Variants in TONSL observed in about 807,000 individuals in gnomAD.
TONSL encodes the protein tonsoku-like protein.
In TONSL, 112 loss-of-function variants were observed where a neutral mutation model predicts 147.1. The ratio of observed to expected loss-of-function variants is 0.76; its 90% CI spans 0.65 to 0.89. TONSL has a LOEUF of 0.89. TONSL is among the 40% of genes least tolerant of loss of function. The probability of loss-of-function intolerance (pLI) is 0.00; values close to 1 mark genes in which losing one functional copy is unlikely to be tolerated. For missense variants in TONSL, 1,883 were observed against 1,864.6 expected (o/e 1.01, Z -0.18); for synonymous variants, 868 against 801.5 (o/e 1.08, Z -1.40).
rs556510520 is a variant in TONSL, at chr8:144,438,307, G to A, written c.1653+164C>T. ...GCCTCAATCTCCCTCCCAGGATGAA[G>A]TGATCCTCCTGCCTCTAGGACCACA... On this transcript the variant is annotated intron_variant, in intron 13 of 25. Transcript: ENST00000409379. 9.4e-4 allele frequency: 623 copies of A among 665,810 alleles called. 2 individuals are homozygous for A. In the African/African-American group the frequency reaches 9.4e-3, roughly 10 times the overall value. The allele number at this position is 665,810 out of a possible 1,614,324, so 41.2% of individuals were successfully genotyped here. A position where few individuals can be genotyped will look rare whatever the true frequency, so the allele number is the denominator to read the frequency against.
Position 144,434,143 on chromosome 8 carries a change from C to G in TONSL, c.3222G>C (p.Glu1074Asp). 1.9e-6 allele frequency: 3 copies of G among 1,611,632 alleles called. No individual in the cohort carries two copies. Among genetic ancestry groups the G allele is most frequent in the Non-Finnish European group, 2.5e-6 (3 of 1,179,260 alleles). ...RALKLHTALR[E>D]LRLAGNRLGD... ...CCAGCCGGTTCCCTGCCAGGCGCAG[C>G]TCCCGGAGTGCTGTGTGCAGCTTGA... The change falls in exon 21 of 26, where the codon GAG (glutamate) becomes GAC (aspartate). Residue 1074 changes from glutamate (E) to aspartate (D), a missense_variant. Transcript: ENST00000409379.
chr8:144,439,715 C>T (rs1002119632), intron 11 of TONSL: 12 of 435,884 alleles, frequency 2.8e-5, no homozygotes, highest in East Asian at 4.3e-5. Flanking sequence ...CAGAGGCAGC[C>T]GGGGCTCTTC....
Position 144,436,197 on chromosome 8 carries a change from C to T in TONSL, c.2236G>A (p.Gly746Ser). The T allele has an allele frequency of 6.4e-7, 1 of 1,570,702 alleles. No homozygotes were observed. Among genetic ancestry groups the T allele is most frequent in the South Asian group, 1.1e-5 (1 of 88,618 alleles). ...CGTGCGGGGCCTGCGCTGTCCTCGC[C>T]TTCTGAGCTGCTGCTGCTGCTGGCT... ...GPASSSSSSE[G>S]EDSAGPARPS... The change falls in exon 17 of 26, where the codon GGC becomes AGC. Residue 746 changes from glycine to serine, a missense_variant. Physicochemically the swap from Gly to Ser is moderately conservative, Grantham distance 56 (BLOSUM62 0). Coordinates refer to ENST00000409379, the MANE Select transcript of TONSL (RefSeq NM_013432.5).
Position 144,436,635 on chromosome 8 carries a change from C to A in TONSL, c.1937G>T (p.Arg646Leu). ...CCGCGTCTCCAGGTCCAGGTCCCTG[C>A]GGTACAGCTTCACCCACTGCTGCAG... The part of the protein sequence containing the change: ...ETLQQWVKLY[R>L]RDLDLETRQK... The change falls in exon 16 of 26, where the codon CGC becomes CTC. Residue 646 changes from arginine (R) to leucine (L), a missense_variant. Transcript: ENST00000409379. The A allele has an allele frequency of 1.2e-6, 2 of 1,612,162 alleles. No individual in the cohort carries two copies. The highest frequency in any genetic ancestry group is 1.7e-6 in the Non-Finnish European group (2 of 1,179,940).
intron 18 of TONSL, 64 bp from the exon 19 acceptor site, chr8:144,435,234 G>C: frequency 7.0e-7 from 1 of 1,436,586 alleles, no homozygotes; most frequent in South Asian, 1.5e-5. Context: ...CCAGGGACCC[G>C]CCATCCCTGC....
chr8:144,436,530 C>G (rs544274064), intron 16 of TONSL, 28 bp downstream of exon 16: 1 of 1,604,018 alleles, frequency 6.2e-7, no homozygotes, highest in East Asian at 2.2e-5. Context: ...GGCACAGCAA[C>G]CCCAGGGACA....
Position 144,440,091 on chromosome 8 carries a change from C to T in TONSL, c.1410G>A (p.Glu470=). 6.2e-7 allele frequency: 1 copy of T among 1,605,032 alleles called. No homozygotes were observed. Among genetic ancestry groups the T allele is most frequent in the Non-Finnish European group, 8.5e-7 (1 of 1,173,488 alleles). ...CCGCTGTGGCTGCCGCCTCCTCCGC[C>T]TCCTCCTCCTCATCTTCATCTTCAG... is the stretch of plus-strand genomic sequence containing the variant. ...SVAEDEDEEE[E]AEEAAATAES... The change falls in exon 11 of 26, where the codon GAG becomes GAA. Residue 470 remains glutamate, a synonymous_variant. Coordinates refer to ENST00000409379, the MANE Select transcript of TONSL (RefSeq NM_013432.5).
Position 144,436,549 on chromosome 8 carries a change from C to A in TONSL, c.2014+9G>T. 6.2e-7 allele frequency: 1 copy of A among 1,608,572 alleles called. No individual in the cohort carries two copies. Among genetic ancestry groups the A allele is most frequent in the Non-Finnish European group, 8.5e-7 (1 of 1,179,366 alleles). On this transcript the variant is annotated intron_variant, in intron 16 of 25. Transcript: ENST00000409379. The stretch of plus-strand genomic sequence containing the variant: ...CAGCAACCCCAGGGACAAGGGACGC[C>A]CTGCTTGCCTTGGCCCGAGGCAGCC...
chr8:144,441,699 G>T, intron 7 of TONSL: 1 of 294,272 alleles, frequency 3.4e-6, no homozygotes, highest in South Asian at 3.7e-5. Context: ...GACCACGCGT[G>T]CCATCTCCTC....
chr8:144,444,069 G>A (rs1160433025), intron 2 of TONSL, 45 bp from the exon 3 acceptor site: 2 of 1,461,016 alleles, frequency 1.4e-6, no homozygotes, highest in South Asian at 1.3e-5. Flanking sequence ...GCGGGTGCGA[G>A]GGCGGCCCTG....
rs578043384 is a variant in TONSL, at chr8:144,433,090, C to T, written c.3559+498G>A. 149 of 155,978 alleles carry T rather than the reference C, an allele frequency of 9.6e-4. 1 individual carries two copies. The highest frequency in any genetic ancestry group is 1.5e-3 in the Non-Finnish European group (104 of 70,336). The allele number at this position is 155,978 out of a possible 1,614,324, so 9.7% of individuals were successfully genotyped here. The stretch of plus-strand genomic sequence containing the variant: ...CCAGGCCCCTAGACGTTGTTTGTTT[C>T]GTTTTTTTGACACGGAGTCTTGCTC... On this transcript the variant is annotated intron_variant, in intron 22 of 25. Transcript: ENST00000409379.
At position 144,435,476 on chromosome 8, in the gene TONSL, G is replaced by A. The variant is rs982668957; in HGVS notation, c.2850C>T (p.His950=). The change falls in exon 18 of 26, where the codon CAC becomes CAT. Residue 950 remains histidine (H), a splice_region_variant and synonymous_variant. Coordinates refer to ENST00000409379, the MANE Select transcript of TONSL (RefSeq NM_013432.5). ...QDHLFLIPVP[H]SSDTHSVAWL... ...GGGTAGGGCAGGCGATGCCTCACCT[G>A]TGTGGGACAGGGATGAGGAAGAGAT... is the stretch of plus-strand genomic sequence containing the variant. 6 of 1,546,470 alleles carry A rather than the reference G, an allele frequency of 3.9e-6. No homozygotes were observed. The South Asian group carries it at 4.8e-5, about 12-fold the overall frequency.
At chr8:144,430,994 C>T (rs1256444234) in intron 24 of TONSL, 84 bp downstream of exon 24, 1 of 1,481,904 alleles carries the variant, frequency 6.7e-7, no homozygotes, top group Admixed American at 1.7e-5. Flanking sequence ...GGAGCTGGTA[C>T]CATTTCTGTG....
intron 11 of TONSL, among the ~76,000 whole-genome samples, chr8:144,439,068 G>A (rs112179219): frequency 0.044 from 6,676 of 151,896 alleles, 483 homozygotes; most frequent in African/African-American, 0.15. Context: ...TCATCCCCAC[G>A]CCCAGACCGG....
At position 144,430,575 on chromosome 8, in the gene TONSL, CAG is replaced by C. The variant is rs781810774; in HGVS notation, c.3810-40_3810-39del. 2.0e-4 allele frequency: 311 copies of C among 1,578,014 alleles called. 2 individuals are homozygous for C. The Middle Eastern group carries it at 2.2e-3, about 11-fold the overall frequency. ...GGGAAGAAGTGCAAAGGTTGGCTTCCAGAGAGGCTGTGCCCCAACACTAGGAA... is the reference window on the plus strand; with the variant it reads ...GGGAAGAAGTGCAAAGGTTGGCTTCCAGAGGCTGTGCCCCAACACTAGGAA... On this transcript the variant is annotated intron_variant, in intron 24 of 25. Transcript: ENST00000409379.
rs1554879201 is a variant in TONSL at position 144,433,604 on chromosome 8, C to G, written c.3543G>C (p.Leu1181=). ...TCAGCTCACCTTGGAAAGCACTACC[C>G]AGTGCTGTCTGGTGGCTCAGAAAGA... ...PSFFLSHQTA[L]GSAFQDAEHL... is the part of the protein sequence containing the mutation. The change falls in exon 22 of 26, where the codon CTG becomes CTC. Residue 1181 remains leucine, a synonymous_variant. Transcript: ENST00000409379. The G allele has an allele frequency of 1.2e-6, 2 of 1,613,470 alleles. No individual in the cohort carries two copies.
chr8:144,438,920 T>TCAGGGA, intron 11 of TONSL, 185 bp from the exon 12 acceptor site: 1 of 643,416 alleles, frequency 1.6e-6, no homozygotes, highest in Non-Finnish European at 2.8e-6. Context: ...CATGTCTCCC[T>TCAGGGA]GACCCTGCTG....
At position 144,435,644 on chromosome 8, in the gene TONSL, G is replaced by A; in HGVS notation, c.2775+14C>T. The A allele has an allele frequency of 6.3e-7, 1 of 1,593,500 alleles. No homozygotes were observed. The highest frequency in any genetic ancestry group is 8.6e-7 in the Non-Finnish European group (1 of 1,165,976). ...GAGTGGGGAGAGGGCTCTGCTCCAGGTCTGCATACCCACCAAGGGCTGGCC... is the reference window on the plus strand; with the variant it reads ...GAGTGGGGAGAGGGCTCTGCTCCAGATCTGCATACCCACCAAGGGCTGGCC... On this transcript the variant is annotated intron_variant, in intron 17 of 25. Coordinates refer to ENST00000409379, the MANE Select transcript of TONSL (RefSeq NM_013432.5).
intron 25 of TONSL, among the ~76,000 whole-genome samples, chr8:144,430,169 T>G (rs569658810): frequency 1.3e-5 from 2 of 152,242 alleles, no homozygotes; most frequent in East Asian, 3.9e-4. Flanking sequence ...GAAGGTTGGG[T>G]TGGAGAGACC....
Sources: gnomAD v4.1 joint callset for allele counts (sites outside exome capture counted in the v4.1 genomes callset) on GRCh38, gnomAD v4.1.1 for gene constraint, MANE v1.5 for transcripts, NCBI Gene and HGNC (gene_info 2026-07-23, HGNC 2026-07-21) for gene names.